Variants in ABCB7 observed in about 807,000 individuals in gnomAD.
ABCB7 encodes the protein ATP binding cassette subfamily B member 7, also known as iron-sulfur clusters transporter ABCB7, mitochondrial.
ABCB7 carries 7 observed loss-of-function variants against 54.4 expected under a neutral mutation model. The ratio of observed to expected loss-of-function variants is 0.13; its 90% CI spans 0.07 to 0.24. ABCB7 has a LOEUF of 0.24. Among genes scored for constraint, ABCB7 ranks in the 10% least tolerant of loss-of-function variants. ABCB7 has a pLI of 1.00. For synonymous variants in ABCB7, 218 were observed against 207.1 expected (o/e 1.05, Z -0.45); for missense variants, 356 against 570.4 (o/e 0.62, Z 3.83).
intron 3 of ABCB7, among the ~76,000 whole-genome samples, chrX:75,109,964 T>G (rs914007406): frequency 3.6e-5 from 4 of 112,041 alleles, no homozygotes. Flanking sequence ...AAATTTTTAT[T>G]GTGTTGTTGG....
intron 3 of ABCB7, among the ~76,000 whole-genome samples, chrX:75,111,196 T>C (rs1201173192): frequency 8.9e-6 from 1 of 112,407 alleles, no homozygotes; most frequent in Non-Finnish European, 1.9e-5. Flanking sequence ...GCAGTTTACA[T>C]ATTCTGCCAT....
chrX:75,086,436 C>T (rs752899432), intron 4 of ABCB7, among the ~76,000 whole-genome samples: 1 of 111,521 alleles, frequency 9.0e-6, no homozygotes, highest in South Asian at 3.8e-4. Context: ...TTAATTATCG[C>T]TTTTCCCATT....
At chrX:75,152,925 G>A (rs1033602258) in intron 1 of ABCB7, among the ~76,000 whole-genome samples, 1 of 111,315 alleles carries the variant, frequency 9.0e-6, no homozygotes, top group Non-Finnish European at 1.9e-5. Context: ...CTCCTAAAGT[G>A]TTAGGATTAC....
At position 75,075,421 on chromosome X, in the gene ABCB7, C is replaced by T. The variant is rs1297429434; in HGVS notation, c.796G>A (p.Ala266Thr). 8.3e-7 allele frequency: 1 copy of T among 1,210,825 alleles called. No homozygotes were observed. Residue 266 changes from alanine (A) to threonine (T), a missense_variant, in exon 6 of 16, where the codon GCT becomes ACT. Physicochemically the swap from Ala to Thr is moderately conservative, Grantham distance 58. Coordinates refer to ENST00000373394, the MANE Select transcript of ABCB7 (RefSeq NM_001271696.3). The part of the protein sequence containing the change: ...GTRGISFVLS[A>T]LVFNLLPIMF... ...ATGGGAAGAAGATTAAATACCAAAG[C>T]ACTCAGGACAAAACTGATACCCCTT...
intron 4 of ABCB7, among the ~76,000 whole-genome samples, chrX:75,083,873 A>ATACC (rs2081475689): frequency 9.0e-6 from 1 of 111,310 alleles, no homozygotes; most frequent in Admixed American, 9.6e-5. Context: ...CAATTTCCAG[A>ATACC]ACCTATAAAG....
intron 4 of ABCB7, among the ~76,000 whole-genome samples, chrX:75,077,073 A>G (rs923963043): frequency 1.8e-5 from 2 of 111,711 alleles, no homozygotes; most frequent in Non-Finnish European, 3.8e-5. Context: ...TTTTTGTCCC[A>G]CCCATGCTGA....
At chrX:75,092,736 T>A (rs1397470403) in intron 4 of ABCB7, among the ~76,000 whole-genome samples, 1 of 111,286 alleles carries the variant, frequency 9.0e-6, no homozygotes, top group Non-Finnish European at 1.9e-5. Context: ...CAATCAAATT[T>A]AAAAATGGGC....
intron 1 of ABCB7, among the ~76,000 whole-genome samples, chrX:75,151,359 T>TA (rs1203328929): frequency 9.0e-6 from 1 of 111,504 alleles, no homozygotes; most frequent in African/African-American, 3.3e-5. Context: ...GCATTACTGT[T>TA]ATTCTTCACC....
Position 75,150,212 on chromosome X carries a change from A to G in ABCB7, c.168+5893T>C, listed in dbSNP as rs145369073. 5.4e-3 allele frequency among the ~76,000 whole-genome samples: 607 copies of G among 111,553 alleles called. 3 individuals are homozygous for G. Among genetic ancestry groups the G allele is most frequent in the Non-Finnish European group, 9.4e-3 (497 of 53,089 alleles). On this transcript the variant is annotated intron_variant, in intron 1 of 15. Coordinates refer to ENST00000373394, the MANE Select transcript of ABCB7 (RefSeq NM_001271696.3). The stretch of plus-strand genomic sequence containing the variant: ...GAAAAGGACAGAAGAGGCCATTGCT[A>G]CTACAAAGAAATGTTCATCTACCTA...
At chrX:75,124,638 G>A (rs1243134406) in intron 1 of ABCB7, among the ~76,000 whole-genome samples, 1 of 111,607 alleles carries the variant, frequency 9.0e-6, no homozygotes, top group Non-Finnish European at 1.9e-5. Flanking sequence ...ATTTGGGGAC[G>A]AATGTACAAA....
intron 1 of ABCB7, among the ~76,000 whole-genome samples, chrX:75,133,674 T>C (rs2081989976): frequency 8.9e-6 from 1 of 112,298 alleles, no homozygotes; most frequent in South Asian, 3.7e-4. Context: ...TGTGGAACTA[T>C]ATTCAGCATC....
chrX:75,125,189 C>G (rs1156749354), intron 1 of ABCB7, among the ~76,000 whole-genome samples: 1 of 111,250 alleles, frequency 9.0e-6, no homozygotes, highest in Non-Finnish European at 1.9e-5. Flanking sequence ...CAGGTCATAT[C>G]CCAAACCCCC....
chrX:75,137,160 C>T (rs1401531610), intron 1 of ABCB7, among the ~76,000 whole-genome samples: 1 of 112,221 alleles, frequency 8.9e-6, no homozygotes, highest in African/African-American at 3.2e-5. Flanking sequence ...TATCCAGTAT[C>T]TATAAGGAAC....
rs1415581995 is a variant in ABCB7 at position 75,051,226 on chromosome X, C to T, written c.*2144G>A. 9.0e-6 allele frequency among the ~76,000 whole-genome samples: 1 copy of T among 110,566 alleles called. No individual in the cohort carries two copies. The highest frequency in any genetic ancestry group is 2.8e-4 in the East Asian group (1 of 3,534). On this transcript the variant is annotated 3_prime_UTR_variant, in exon 16 of 16. Transcript: ENST00000373394. ...GCTTTAAAAGCAAGATCTTGCATCA[C>T]TTACTCTGGCAGCAAAGACTACGAA...
chrX:75,064,855 G>GCTAA (rs745770927), intron 13 of ABCB7, among the ~76,000 whole-genome samples: 18 of 81,135 alleles, frequency 2.2e-4, no homozygotes, highest in African/African-American at 1.8e-3. Context: ...GTTTGCAGCT[G>GCTAA]CAAGTGAAAA....
At chrX:75,084,288 T>G (rs6607508) in intron 4 of ABCB7, among the ~76,000 whole-genome samples, 39,340 of 111,006 alleles carry the variant, frequency 0.35, 9,464 homozygotes, top group East Asian at 0.93. Flanking sequence ...CAGCTACTAT[T>G]TTTGTGATAA....
intron 3 of ABCB7, among the ~76,000 whole-genome samples, chrX:75,100,353 G>A (rs1409910910): frequency 9.0e-6 from 1 of 110,565 alleles, no homozygotes; most frequent in African/African-American, 3.3e-5. Flanking sequence ...TCTGTAACAT[G>A]GCTTATAAGG....
At chrX:75,101,836 A>G (rs2081642470) in intron 3 of ABCB7, among the ~76,000 whole-genome samples, 1 of 111,917 alleles carries the variant, frequency 8.9e-6, no homozygotes, top group Admixed American at 9.5e-5. Flanking sequence ...TATGGCTAAG[A>G]GCAAGAAAAT....
chrX:75,125,940 T>C (rs538211805), intron 1 of ABCB7, among the ~76,000 whole-genome samples: 2 of 111,561 alleles, frequency 1.8e-5, no homozygotes, highest in African/African-American at 3.3e-5. Context: ...ACCTGTCAGT[T>C]TTTTTTCTAA....
Sources: gnomAD v4.1 joint callset for allele counts (sites outside exome capture counted in the v4.1 genomes callset) on GRCh38, gnomAD v4.1.1 for gene constraint, MANE v1.5 for transcripts, NCBI Gene and HGNC (gene_info 2026-07-23, HGNC 2026-07-21) for gene names.